Variants in COL7A1 observed in about 807,000 individuals in gnomAD.
COL7A1 encodes the protein collagen alpha-1(VII) chain.
Under a neutral mutation model 456.2 loss-of-function variants are expected in COL7A1, and 296 were observed. The observed-to-expected ratio is 0.65, with a 90% CI of 0.59 to 0.71. The LOEUF is 0.71. Ranked by LOEUF, COL7A1 falls within the 30% of genes least tolerant of loss-of-function variation. The pLI is 0.00. For missense variants in COL7A1, 3,441 were observed against 4,017.2 expected (o/e 0.86, Z 3.88); for synonymous variants, 1,464 against 1,525.9 (o/e 0.96, Z 0.95).
chr3:48,588,529 C>T lies in COL7A1; in HGVS notation c.2587+113G>A. 1 of 1,603,984 alleles carries T rather than the reference C, an allele frequency of 6.2e-7. No homozygotes were observed. The highest frequency in any genetic ancestry group is 8.5e-7 in the Non-Finnish European group (1 of 1,175,658). On this transcript the variant is annotated intron_variant, in intron 20 of 118. Transcript: ENST00000681320. The surrounding 1 kb of genome is among the most constrained non-coding windows in gnomAD (Gnocchi z 4.6). ...CCCCTCTCCCTCCTCTCAGACCCTG[C>T]CCCCAAAGGCTCACTACCAATCCTG...
rs2044197995 is a variant in COL7A1, at chr3:48,575,093, G to A, written c.6250C>T (p.Pro2084Ser). 6.2e-7 allele frequency: 1 copy of A among 1,613,014 alleles called. No homozygotes were observed. Reference sequence around the variant, plus strand: ...GGGCCAGGGGGTCCGGGGGGCCCAGGGGTTCCAGGGAGTCCAGGAGGGCCA... The same window carrying A: ...GGGCCAGGGGGTCCGGGGGGCCCAGAGGTTCCAGGGAGTCCAGGAGGGCCA... ...RDGPPGLPGT[P>S]GPPGPPGPKV... Residue 2084 changes from proline to serine, a missense_variant, in exon 76 of 119, where the codon CCT (proline) becomes TCT (serine). Physicochemically the swap from Pro to Ser is moderately conservative, Grantham distance 74. Coordinates refer to ENST00000681320, the MANE Select transcript of COL7A1 (RefSeq NM_000094.4). The surrounding 1 kb of genome is among the most constrained non-coding windows in gnomAD (Gnocchi z 6.3).
In COL7A1 at chr3:48,583,428, C is replaced by T. The variant is rs1325987264; in HGVS notation, c.4402G>A (p.Gly1468Ser). Residue 1468 changes from glycine to serine, a missense_variant and splice_region_variant, in exon 42 of 119, where the codon GGC becomes AGC. Physicochemically the swap from Gly to Ser is moderately conservative, Grantham distance 56. This residue lies in a region of COL7A1 where 2,084 missense variants were observed against 2,501.3 expected (regional missense o/e 0.83). Transcript: ENST00000681320. This position sits in a 1 kb window ranked among gnomAD's most constrained non-coding sequence, Gnocchi z 5.1. ...ATAGCTCCAGGAGGTCCCCGTGGGC[C>T]CTGGAAGGGATGAATTTGGGGGTTC... ...PGQPGSPGEQ[G>S]PRGPPGAIGP... 1 of 1,614,132 alleles carries T rather than the reference C, an allele frequency of 6.2e-7. No individual in the cohort carries two copies. The highest frequency in any genetic ancestry group is 1.7e-5 in the Admixed American group (1 of 60,020).
In COL7A1 at chr3:48,581,293, G is replaced by C; in HGVS notation, c.4866C>G (p.Gly1622=). 6.2e-7 allele frequency: 1 copy of C among 1,613,500 alleles called. No homozygotes were observed. Among genetic ancestry groups the C allele is most frequent in the South Asian group, 1.1e-5 (1 of 91,054 alleles). The change falls in exon 52 of 119, where the codon GGC becomes GGG. Residue 1622 remains glycine, a synonymous_variant. Coordinates refer to ENST00000681320, the MANE Select transcript of COL7A1 (RefSeq NM_000094.4). This position sits in a 1 kb window ranked among gnomAD's most constrained non-coding sequence, Gnocchi z 5.8. ...PGEKGDPGRP[G]PPGPVGPRGR... ...CTCGGGGGCCAACAGGTCCTGGGGG[G>C]CCAGGCCGCCCAGGGTCTCCCTTCT...
Position 48,593,734 on chromosome 3 carries a change from G to A in COL7A1, c.267-38C>T, listed in dbSNP as rs1398428468. The A allele has an allele frequency of 6.2e-7, 1 of 1,613,884 alleles. No individual in the cohort carries two copies. The highest frequency in any genetic ancestry group is 1.1e-5 in the South Asian group (1 of 91,086). ...AGGGGTGGCAACAGGCTAGGACTCA[G>A]GATCTCTTCTGGCCCTGGCCTTGAG... On this transcript the variant is annotated intron_variant, in intron 3 of 118. Transcript: ENST00000681320. The surrounding 1 kb of genome is among the most constrained non-coding windows in gnomAD (Gnocchi z 4.4).
rs533297903 is a variant in COL7A1, at chr3:48,586,886, T to C, written c.3276+86A>G. On this transcript the variant is annotated intron_variant, in intron 25 of 118. Coordinates refer to ENST00000681320, the MANE Select transcript of COL7A1 (RefSeq NM_000094.4). This position sits in a 1 kb window ranked among gnomAD's most constrained non-coding sequence, Gnocchi z 5.1. The stretch of plus-strand genomic sequence containing the variant: ...AGAGCTGGGAGAATGCCTGAACCTA[T>C]TGGGTGGTCAGGAGATGGTAACTGG... 7.8e-6 allele frequency: 12 copies of C among 1,541,654 alleles called. No individual in the cohort carries two copies. Among genetic ancestry groups the C allele is most frequent in the African/African-American group, 6.9e-5 (5 of 72,930 alleles).
Position 48,572,099 on chromosome 3 carries a change from G to A in COL7A1, c.7023+28C>T. 1 of 1,613,892 alleles carries A rather than the reference G, an allele frequency of 6.2e-7. No homozygotes were observed. The highest frequency in any genetic ancestry group is 1.3e-5 in the African/African-American group (1 of 75,050). ...TGGACTGAGCCTTCTCTGCTCAGTAGTCAGGCCCCAGGGCCAACCCACCTC... is the reference window on the plus strand; with the variant it reads ...TGGACTGAGCCTTCTCTGCTCAGTAATCAGGCCCCAGGGCCAACCCACCTC... On this transcript the variant is annotated intron_variant, in intron 91 of 118. Transcript: ENST00000681320. The surrounding 1 kb of genome is among the most constrained non-coding windows in gnomAD (Gnocchi z 4.6).
At position 48,591,833 on chromosome 3, in the gene COL7A1, A is replaced by C. The variant is rs1036121280; in HGVS notation, c.1358-11T>G. On this transcript the variant is annotated splice_polypyrimidine_tract_variant and intron_variant, in intron 11 of 118. Coordinates refer to ENST00000681320, the MANE Select transcript of COL7A1 (RefSeq NM_000094.4). The surrounding 1 kb of genome is among the most constrained non-coding windows in gnomAD (Gnocchi z 7.0). ...GCGGTGGCTCCAAGCCTGCAAGATA[A>C]CAGGGTCAGACCAGCAGAGGCCATG... The C allele has an allele frequency of 2.5e-6, 4 of 1,614,146 alleles. No individual in the cohort carries two copies. In the African/African-American group the frequency reaches 5.3e-5, roughly 22 times the overall value.
rs757361750 is a variant in COL7A1, at chr3:48,592,642, C to T, written c.904G>A (p.Glu302Lys). Residue 302 changes from glutamate (E) to lysine (K), a missense_variant, in exon 8 of 119, where the codon GAG (glutamate) becomes AAG (lysine). Physicochemically the swap from Glu to Lys is moderately conservative, Grantham distance 56. Coordinates refer to ENST00000681320, the MANE Select transcript of COL7A1 (RefSeq NM_000094.4). The surrounding 1 kb of genome is among the most constrained non-coding windows in gnomAD (Gnocchi z 7.6). ...VRLRGLRPLT[E>K]YQVTVIALYA... Reference sequence around the variant, plus strand: ...AGGGCAATCACAGTCACTTGGTACTCGGTCAGTGGCCGGAGACCCCGCAGC... The same window carrying T: ...AGGGCAATCACAGTCACTTGGTACTTGGTCAGTGGCCGGAGACCCCGCAGC... 4.3e-6 allele frequency: 7 copies of T among 1,613,846 alleles called. No individual in the cohort carries two copies. The highest frequency in any genetic ancestry group is 1.1e-5 in the South Asian group (1 of 91,078).
At position 48,573,449 on chromosome 3, in the gene COL7A1, A is replaced by G. The variant is rs2044072070; in HGVS notation, c.6618+64T>C. On this transcript the variant is annotated intron_variant, in intron 83 of 118. Transcript: ENST00000681320. The surrounding 1 kb of genome is among the most constrained non-coding windows in gnomAD (Gnocchi z 5.5). ...ATGACAGCCCAGGAGGTTGGCGCAC[A>G]CTACCCCAGGCATGGACACAGCTTG... The G allele has an allele frequency of 6.2e-7, 1 of 1,613,616 alleles. No individual in the cohort carries two copies. Among genetic ancestry groups the G allele is most frequent in the Non-Finnish European group, 8.5e-7 (1 of 1,179,746 alleles).
chr3:48,579,260 A>G lies in COL7A1; in HGVS notation c.5325T>C (p.Pro1775=), dbSNP rs1483586855. ...CCAGTCCGCTCCGGCCATCCAGCCC[A>G]GGGGGACCCCGGTCACCCTGTGGAA... The part of the protein sequence containing the change: ...PAGEKGDRGP[P]GLDGRSGLDG... The change falls in exon 62 of 119, where the codon CCT becomes CCC. Residue 1775 remains proline, a synonymous_variant. Transcript: ENST00000681320. The surrounding 1 kb of genome is among the most constrained non-coding windows in gnomAD (Gnocchi z 4.4). The G allele has an allele frequency of 1.2e-6, 2 of 1,613,962 alleles. No individual in the cohort carries two copies. The highest frequency in any genetic ancestry group is 1.7e-5 in the Admixed American group (1 of 60,036).
rs1425665104 is a variant in COL7A1 at position 48,594,541 on chromosome 3, G to A, written c.93C>T (p.Cys31=). 1 of 1,597,062 alleles carries A rather than the reference G, an allele frequency of 6.3e-7. No homozygotes were observed. Among genetic ancestry groups the A allele is most frequent in the South Asian group, 1.1e-5 (1 of 89,526 alleles). The change falls in exon 3 of 119, where the codon TGC becomes TGT. Residue 31 remains cysteine (C), a synonymous_variant. Coordinates refer to ENST00000681320, the MANE Select transcript of COL7A1 (RefSeq NM_000094.4). This position sits in a 1 kb window ranked among gnomAD's most constrained non-coding sequence, Gnocchi z 5.5. ...CAATGTCAGCGGCGTAAAGGCGCGT[G>A]CAGGTCACTGGGGCGGGCAGGAGAG... ...VRAQHRERVT[C]TRLYAADIVF...
In COL7A1 at chr3:48,580,651, C is replaced by T; in HGVS notation, c.4982G>A (p.Gly1661Glu). 6.2e-7 allele frequency: 1 copy of T among 1,613,876 alleles called. No individual in the cohort carries two copies. Among genetic ancestry groups the T allele is most frequent in the Non-Finnish European group, 8.5e-7 (1 of 1,179,926 alleles). The change falls in exon 55 of 119, where the codon GGG (glycine) becomes GAG (glutamate). Residue 1661 changes from glycine to glutamate, a missense_variant and splice_region_variant. By Grantham distance (98) the Gly-to-Glu change is moderately conservative. Transcript: ENST00000681320. This position sits in a 1 kb window ranked among gnomAD's most constrained non-coding sequence, Gnocchi z 4.5. ...PGKAGERGLRGAPGVRGPVGE... is the reference protein window; with the variant it reads ...PGKAGERGLREAPGVRGPVGE... ...CACAGGCCCCCGAACTCCAGGTGCCCCCTAAGAAGAGCAGCTGGCCTGAGA... is the reference window on the plus strand; with the variant it reads ...CACAGGCCCCCGAACTCCAGGTGCCTCCTAAGAAGAGCAGCTGGCCTGAGA...
In COL7A1 at chr3:48,587,258, T is replaced by G; in HGVS notation, c.3071A>C (p.Tyr1024Ser). The change falls in exon 24 of 119, where the codon TAC (tyrosine) becomes TCC (serine). Residue 1024 changes from tyrosine (Y) to serine (S), a missense_variant. Physicochemically the swap from Tyr to Ser is moderately radical, Grantham distance 144. Transcript: ENST00000681320. This position sits in a 1 kb window ranked among gnomAD's most constrained non-coding sequence, Gnocchi z 6.1. Reference sequence around the variant, plus strand: ...CAGGACAGGCGTCAGGGAGAAGATGTAAGAGACGCCAGGCTCTAGCCCTGT... The same window carrying G: ...CAGGACAGGCGTCAGGGAGAAGATGGAAGAGACGCCAGGCTCTAGCCCTGT... ...RVTGLEPGVS[Y>S]IFSLTPVLDG... 1.2e-6 allele frequency: 2 copies of G among 1,612,526 alleles called. No homozygotes were observed. Among genetic ancestry groups the G allele is most frequent in the African/African-American group, 1.3e-5 (1 of 74,960 alleles).
Position 48,574,959 on chromosome 3 carries a change from A to G in COL7A1, c.6280-94T>C. ...CAGGATCACAGAGGGTTATAGGGTC[A>G]GAAATTCCAGGGTTATGGCACACAC... On this transcript the variant is annotated intron_variant, in intron 76 of 118. Transcript: ENST00000681320. This position sits in a 1 kb window ranked among gnomAD's most constrained non-coding sequence, Gnocchi z 5.0. 1.9e-6 allele frequency: 3 copies of G among 1,579,908 alleles called. No homozygotes were observed. The highest frequency in any genetic ancestry group is 1.7e-5 in the Admixed American group (1 of 58,448).
In COL7A1 at chr3:48,566,719, C is replaced by A. The variant is rs121912853; in HGVS notation, c.8245G>T (p.Gly2749Ter). Reference protein sequence around the residue: ...QGQKGERGPPGERVVGAPGVP... With the variant: ...QGQKGERGPP ...CCAGGAGCCCCCACCACTCTCTCTC[C>A]GGGGGGACCTCGCTCACCCTGTCAG... The change falls in exon 112 of 119, where the codon GGA becomes TGA. Residue 2749 changes from glycine to a stop codon, truncating the protein, a stop_gained. Coordinates refer to ENST00000681320, the MANE Select transcript of COL7A1 (RefSeq NM_000094.4). LOFTEE classifies it high-confidence loss of function. The surrounding 1 kb of genome is among the most constrained non-coding windows in gnomAD (Gnocchi z 5.9). 1 of 1,613,894 alleles carries A rather than the reference C, an allele frequency of 6.2e-7. No individual in the cohort carries two copies. Among genetic ancestry groups the A allele is most frequent in the East Asian group, 2.2e-5 (1 of 44,878 alleles).
rs2107788610 is a variant in COL7A1 at position 48,591,743 on chromosome 3, C to T, written c.1437G>A (p.Glu479=). Residue 479 remains glutamate (E), a synonymous_variant, in exon 12 of 119, where the codon GAG becomes GAA. Coordinates refer to ENST00000681320, the MANE Select transcript of COL7A1 (RefSeq NM_000094.4). This position sits in a 1 kb window ranked among gnomAD's most constrained non-coding sequence, Gnocchi z 7.0. Reference sequence around the variant, plus strand: ...GCAGAGTGTAGAGTGTGAGGCGGTACTCAGTGCCCGGCTGCAGCCCATCCA... The same window carrying T: ...GCAGAGTGTAGAGTGTGAGGCGGTATTCAGTGCCCGGCTGCAGCCCATCCA... ...YQLDGLQPGT[E]YRLTLYTLLE... is the part of the protein sequence containing the mutation. The T allele has an allele frequency of 6.2e-7, 1 of 1,614,184 alleles. No homozygotes were observed. The highest frequency in any genetic ancestry group is 1.1e-5 in the South Asian group (1 of 91,090).
rs748746331 is a variant in COL7A1, at chr3:48,589,588, C to T, written c.2170+11G>A. The stretch of plus-strand genomic sequence containing the variant: ...ACCCTGACCTGCCCCCTCCCAAACC[C>T]CAGTCCCCACCGTGGGCTGAGTGCC... On this transcript the variant is annotated intron_variant, in intron 17 of 118. Transcript: ENST00000681320. The T allele has an allele frequency of 1.2e-6, 2 of 1,613,592 alleles. No homozygotes were observed. Among genetic ancestry groups the T allele is most frequent in the Non-Finnish European group, 8.5e-7 (1 of 1,179,996 alleles).
In COL7A1 at chr3:48,587,663, T is replaced by A. The variant is rs2045371654; in HGVS notation, c.2858-109A>T. On this transcript the variant is annotated intron_variant, in intron 22 of 118. Coordinates refer to ENST00000681320, the MANE Select transcript of COL7A1 (RefSeq NM_000094.4). This position sits in a 1 kb window ranked among gnomAD's most constrained non-coding sequence, Gnocchi z 6.1. ...TGTCTTATTGAAGCATCATGGGAGG[T>A]CATGCTGGGGTCACCCAGGGTCAGA... is the stretch of plus-strand genomic sequence containing the variant. 1 of 1,601,038 alleles carries A rather than the reference T, an allele frequency of 6.2e-7. No individual in the cohort carries two copies. Among genetic ancestry groups the A allele is most frequent in the Non-Finnish European group, 8.5e-7 (1 of 1,169,784 alleles).
rs1240783123 is a variant in COL7A1, at chr3:48,574,693, C to A, written c.6377G>T (p.Gly2126Val). 6.8e-6 allele frequency: 11 copies of A among 1,613,940 alleles called. No individual in the cohort carries two copies. The highest frequency in any genetic ancestry group is 1.1e-5 in the South Asian group (1 of 91,074). Residue 2126 changes from glycine (G) to valine (V), a missense_variant, in exon 78 of 119, where the codon GGT (glycine) becomes GTT (valine). Transcript: ENST00000681320. The surrounding 1 kb of genome is among the most constrained non-coding windows in gnomAD (Gnocchi z 5.0). ...AGGCCTCACCCTGTCTCCTTTGGGACCTTGGTCACCATTGCTGCCCGGCTC... is the reference window on the plus strand; with the variant it reads ...AGGCCTCACCCTGTCTCCTTTGGGAACTTGGTCACCATTGCTGCCCGGCTC... ...KGEPGSNGDQGPKGDRGVPGI... is the reference protein window; with the variant it reads ...KGEPGSNGDQVPKGDRGVPGI...
Sources: allele counts gnomAD v4.1 joint callset, GRCh38; gene constraint gnomAD v4.1.1; regional missense constraint gnomAD v4.1.1; non-coding constraint Gnocchi (gnomAD v3.1); transcripts MANE v1.5; gene names NCBI Gene and HGNC (gene_info 2026-07-23, HGNC 2026-07-21).